Variants in CAPN7 observed in about 807,000 individuals in gnomAD.
CAPN7 encodes calpain 7.
A neutral mutation model predicts 115.2 loss-of-function variants in CAPN7; 72 were observed. That is an observed-to-expected ratio of 0.63 (90% CI 0.52 to 0.76). The LOEUF (loss-of-function observed/expected upper bound fraction) is 0.76. Ranked by LOEUF, CAPN7 falls within the 30% of genes least tolerant of loss-of-function variation. The pLI is 0.00. For synonymous variants in CAPN7, 344 were observed against 322.3 expected (o/e 1.07, Z -0.72); for missense variants, 905 against 971.5 (o/e 0.93, Z 0.91).
At chr3:15,238,577 T>C (rs1160450593) in intron 12 of CAPN7, among the ~76,000 whole-genome samples, 6 of 152,212 alleles carry the variant, frequency 3.9e-5, no homozygotes, top group Non-Finnish European at 7.3e-5. Flanking sequence ...TTTATTAATA[T>C]TTGCATAAAA....
At chr3:15,246,615 T>C (rs1695674890) in intron 17 of CAPN7, 117 bp from the exon 18 acceptor site, 1 of 712,226 alleles carries the variant, frequency 1.4e-6, no homozygotes, top group Admixed American at 2.5e-5. Context: ...GATACTAGGC[T>C]GCCTATAATG....
At chr3:15,225,872 A>G (rs1328353908) in intron 6 of CAPN7, among the ~76,000 whole-genome samples, 1 of 152,134 alleles carries the variant, frequency 6.6e-6, no homozygotes, top group Non-Finnish European at 1.5e-5. Flanking sequence ...TATTTTTTAA[A>G]TTATTTTACT....
intron 2 of CAPN7, among the ~76,000 whole-genome samples, chr3:15,212,663 A>G (rs1295037255): frequency 6.6e-6 from 1 of 152,184 alleles, no homozygotes; most frequent in South Asian, 2.1e-4. Flanking sequence ...CTTTAAAACC[A>G]TATCTTGGGA....
In CAPN7 at chr3:15,224,274, T is replaced by G. The variant is rs1015347864; in HGVS notation, c.725+713T>G. On this transcript the variant is annotated intron_variant, in intron 6 of 20. Transcript: ENST00000253693. ...AATTATGATGTCCCAAATTTTTTTT[T>G]TTTTTCTTTTTTTTTGAGATAGGGT... is the stretch of plus-strand genomic sequence containing the variant. Among the ~76,000 whole-genome samples, 8 of 152,016 alleles carry G rather than the reference T, an allele frequency of 5.3e-5. No individual in the cohort carries two copies. In the South Asian group the frequency reaches 1.7e-3, roughly 32 times the overall value.
At chr3:15,230,862 CTA>C (rs1491208648) in intron 9 of CAPN7, among the ~76,000 whole-genome samples, 2 of 152,142 alleles carry the variant, frequency 1.3e-5, no homozygotes, top group African/African-American at 4.8e-5. Context: ...ATCAGACAAA[CTA>C]AATCTGTTAG....
chr3:15,233,766 A>G lies in CAPN7; in HGVS notation c.1180-101A>G, dbSNP rs1694831146. ...AACAACTACCTTCTGATTTATTTCT[A>G]CCAAAATCATTATGCCAAATCAGTG... On this transcript the variant is annotated intron_variant, in intron 10 of 20. Transcript: ENST00000253693. The G allele has an allele frequency of 5.8e-6, 4 of 693,326 alleles. No homozygotes were observed. In the South Asian group the frequency reaches 6.8e-5, roughly 12 times the overall value. 42.9% of individuals were successfully genotyped at this position (693,326 alleles called of 1,614,324 possible).
intron 19 of CAPN7, among the ~76,000 whole-genome samples, chr3:15,249,823 T>C (rs1695896247): frequency 6.6e-6 from 1 of 151,186 alleles, no homozygotes; most frequent in Admixed American, 6.6e-5. Context: ...TGGAGTGCAG[T>C]GTGTGATCTC....
At position 15,245,645 on chromosome 3, in the gene CAPN7, C is replaced by T; in HGVS notation, c.1984C>T (p.Gln662Ter). 1 of 1,613,716 alleles carries T rather than the reference C, an allele frequency of 6.2e-7. No individual in the cohort carries two copies. Among genetic ancestry groups the T allele is most frequent in the African/African-American group, 1.3e-5 (1 of 75,002 alleles). ...ATTAGTGGTTTCTCAATATGAAAAACAGAACACAATCCATTACACGGTTCG... is the reference window on the plus strand; with the variant it reads ...ATTAGTGGTTTCTCAATATGAAAAATAGAACACAATCCATTACACGGTTCG... ...FTLVVSQYEK[Q>*]NTIHYTVRVY... The change falls in exon 17 of 21, where the codon CAG becomes TAG. Residue 662 changes from glutamine to a stop codon, truncating the protein, a stop_gained. Coordinates refer to ENST00000253693, the MANE Select transcript of CAPN7 (RefSeq NM_014296.3). LOFTEE classifies it high-confidence loss of function.
At chr3:15,225,976 A>G (rs1694289059) in intron 6 of CAPN7, among the ~76,000 whole-genome samples, 1 of 152,206 alleles carries the variant, frequency 6.6e-6, no homozygotes, top group African/African-American at 2.4e-5. Flanking sequence ...CTTTCGCTAG[A>G]GAGATTGAAT....
intron 6 of CAPN7, 58 bp from the exon 7 acceptor site, chr3:15,227,781 G>T: frequency 2.8e-6 from 3 of 1,080,200 alleles, no homozygotes; most frequent in Non-Finnish European, 3.7e-6. Flanking sequence ...ATTTAATTTT[G>T]GCTTTGAGTC....
intron 16 of CAPN7, among the ~76,000 whole-genome samples, chr3:15,242,539 C>T (rs1265285068): frequency 6.6e-6 from 1 of 152,136 alleles, no homozygotes; most frequent in Non-Finnish European, 1.5e-5. Context: ...CAAATGTATT[C>T]TGTGGTTTTC....
In CAPN7 at chr3:15,227,792, A is replaced by G. The variant is rs886266638; in HGVS notation, c.726-47A>G. The G allele has an allele frequency of 2.4e-6, 3 of 1,256,780 alleles. No homozygotes were observed. The African/African-American group carries it at 4.6e-5, about 19-fold the overall frequency. 77.9% of individuals were successfully genotyped at this position (1,256,780 alleles called of 1,614,324 possible). ...GGAAATTTAATTTTGGCTTTGAGTC[A>G]TCTTTTAAGATTAATTTTTTTATTT... On this transcript the variant is annotated intron_variant, in intron 6 of 20. Coordinates refer to ENST00000253693, the MANE Select transcript of CAPN7 (RefSeq NM_014296.3).
intron 19 of CAPN7, among the ~76,000 whole-genome samples, chr3:15,247,717 A>C (rs1032215901): frequency 3.9e-5 from 6 of 152,200 alleles, no homozygotes; most frequent in Admixed American, 2.0e-4. Flanking sequence ...AGGCAAAACA[A>C]TACAGCTTCT....
At chr3:15,214,949 G>A (rs1575163068) in intron 2 of CAPN7, among the ~76,000 whole-genome samples, 1 of 152,346 alleles carries the variant, frequency 6.6e-6, no homozygotes, top group East Asian at 1.9e-4. Flanking sequence ...TAGCTGGGTA[G>A]AGGCCAAGGC....
chr3:15,237,084 C>T (rs76541594), intron 12 of CAPN7, among the ~76,000 whole-genome samples: 4,471 of 152,276 alleles, frequency 0.029, 241 homozygotes, highest in African/African-American at 0.1. Context: ...CCATTACCAT[C>T]GGAGCAGCCC....
At chr3:15,210,846 G>C in intron 1 of CAPN7, 1 of 1,289,570 alleles carries the variant, frequency 7.8e-7, no homozygotes, top group East Asian at 5.6e-5. Context: ...TTCAAAAAGT[G>C]ATGTTCAGTA....
chr3:15,229,762 T>C (rs79289676), intron 8 of CAPN7, among the ~76,000 whole-genome samples: 6,756 of 152,030 alleles, frequency 0.044, 506 homozygotes, highest in African/African-American at 0.15. Context: ...CTGGGAAATA[T>C]AACATATTTC....
At chr3:15,226,752 T>C (rs1395680700) in intron 6 of CAPN7, among the ~76,000 whole-genome samples, 1 of 152,184 alleles carries the variant, frequency 6.6e-6, no homozygotes. Context: ...ATTTAAAGTC[T>C]AGAGGTGTCC....
intron 8 of CAPN7, 139 bp from the exon 9 acceptor site, chr3:15,230,303 C>T (rs1694606243): frequency 1.0e-5 from 5 of 498,120 alleles, no homozygotes; most frequent in Non-Finnish European, 1.8e-5. Context: ...ATTTTCTAGG[C>T]CTATTGTAGG....
Sources: gnomAD v4.1 joint callset for allele counts (sites outside exome capture counted in the v4.1 genomes callset) on GRCh38, gnomAD v4.1.1 for gene constraint, MANE v1.5 for transcripts, NCBI Gene and HGNC (gene_info 2026-07-23, HGNC 2026-07-21) for gene names.